The following SPTA1 variants were observed in gnomAD, a reference collection of about 807,000 sequenced individuals.
The protein encoded by SPTA1 is spectrin alpha, erythrocytic 1, also known as spectrin alpha chain, erythrocytic 1.
Under a neutral mutation model 324.7 loss-of-function variants are expected in SPTA1, and 177 were observed. The observed-to-expected ratio is 0.55, with a 90% CI of 0.48 to 0.62. The LOEUF is 0.62. SPTA1 is among the 20% of genes least tolerant of loss of function. The pLI, the probability that SPTA1 is intolerant of heterozygous loss-of-function variation, is 0.00. For missense variants in SPTA1, 3,162 were observed against 2,883.6 expected, an observed-to-expected ratio of 1.10 and a Z score of -2.21; for synonymous variants, 1,195 against 1,041.3, an observed-to-expected ratio of 1.15 and a Z score of -2.84.
At chr1:158,650,839 C>T (rs1652374868) in intron 24 of SPTA1, among the ~76,000 whole-genome samples, 1 of 152,080 alleles carries the variant, frequency 6.6e-6, no homozygotes, top group African/African-American at 2.4e-5. Flanking sequence ...TTTGGTGTAG[C>T]CTGGTACAGA....
chr1:158,659,501 C>A (rs1331969574), intron 18 of SPTA1, among the ~76,000 whole-genome samples: 3 of 151,378 alleles, frequency 2.0e-5, no homozygotes, highest in African/African-American at 7.3e-5. Context: ...TTAGACAGAA[C>A]AGTGACATCA....
intron 39 of SPTA1, among the ~76,000 whole-genome samples, chr1:158,628,927 T>A (rs1438821794): frequency 6.6e-6 from 1 of 151,980 alleles, no homozygotes; most frequent in Non-Finnish European, 1.5e-5. Context: ...GGAGACTGAA[T>A]CAGAAATAAA....
chr1:158,662,556 A>G, intron 17 of SPTA1, 146 bp downstream of exon 17: 1 of 1,058,924 alleles, frequency 9.4e-7, no homozygotes, highest in Non-Finnish European at 1.3e-6. Flanking sequence ...AAATATTTTT[A>G]TGAAGGACTG....
intron 16 of SPTA1, 58 bp downstream of exon 16, chr1:158,666,258 G>C (rs1044336585): frequency 1.9e-6 from 3 of 1,565,402 alleles, no homozygotes; most frequent in Non-Finnish European, 8.8e-7. Flanking sequence ...TTAATAACGA[G>C]TGTGCTCAGA....
Position 158,638,935 on chromosome 1 carries a change from A to G in SPTA1, c.4980+647T>C, listed in dbSNP as rs142495983. On this transcript the variant is annotated intron_variant, in intron 35 of 51. Transcript: ENST00000643759. ...GGCAACATTCTTAGCTGCCCATTGA[A>G]CACATCTATCTCTTCTGTGTCTACT... Among the ~76,000 whole-genome samples, 331 of 152,204 alleles carry G rather than the reference A, an allele frequency of 2.2e-3. 3 individuals carry two copies. The highest frequency in any genetic ancestry group is 3.4e-3 in the Middle Eastern group (1 of 294).
chr1:158,661,164 G>A, intron 18 of SPTA1, 123 bp downstream of exon 18: 1 of 1,458,734 alleles, frequency 6.9e-7, no homozygotes, highest in South Asian at 1.1e-5. Flanking sequence ...TGCCAAAAGA[G>A]CATTAAGTGG....
rs755834027 is a variant in SPTA1, at chr1:158,680,556, G to A, written c.678+27C>T. 2.6e-5 allele frequency: 42 copies of A among 1,613,158 alleles called. No individual in the cohort carries two copies. The Middle Eastern group carries it at 4.9e-4, about 19-fold the overall frequency. Reference sequence around the variant, plus strand: ...TCTTAAGGATAAGAACCCTTTGCACGGAGTGAATATTTTGCTCCCACCTCA... The same window carrying A: ...TCTTAAGGATAAGAACCCTTTGCACAGAGTGAATATTTTGCTCCCACCTCA... On this transcript the variant is annotated intron_variant, in intron 5 of 51. Coordinates refer to ENST00000643759, the MANE Select transcript of SPTA1 (RefSeq NM_003126.4).
At chr1:158,668,122 T>C (rs1653747044) in intron 14 of SPTA1, 60 bp from the exon 15 acceptor site, 1 of 1,563,816 alleles carries the variant, frequency 6.4e-7, no homozygotes, top group South Asian at 1.1e-5. Context: ...GACAGAAATT[T>C]TGAGAATAAG....
intron 15 of SPTA1, 117 bp downstream of exon 15, chr1:158,667,741 C>A: frequency 9.2e-7 from 1 of 1,081,284 alleles, no homozygotes; most frequent in Non-Finnish European, 1.3e-6. Flanking sequence ...CACATGGAAG[C>A]AAATGAGTAG....
At position 158,645,575 on chromosome 1, in the gene SPTA1, T is replaced by C. The variant is rs1332320998; in HGVS notation, c.3916A>G (p.Ser1306Gly). 2 of 1,614,060 alleles carry C rather than the reference T, an allele frequency of 1.2e-6. No homozygotes were observed. Among genetic ancestry groups the C allele is most frequent in the Non-Finnish European group, 1.7e-6 (2 of 1,179,914 alleles). Residue 1306 changes from serine to glycine, a missense_variant, in exon 28 of 52, where the codon AGT becomes GGT. Physicochemically the swap from Ser to Gly is moderately conservative, Grantham distance 56 (BLOSUM62 0). Transcript: ENST00000643759. ...SKARDLQNWI[S>G]SIGGMVSSQE... The stretch of plus-strand genomic sequence containing the variant: ...GATGATACCATGCCACCAATGCTAC[T>C]GATCCAGTTCTGCAGATCCCTAGAT...
rs373641002 is a variant in SPTA1 at position 158,614,309 on chromosome 1, G to T, written c.6789-3C>A. The T allele has an allele frequency of 5.3e-6, 8 of 1,518,440 alleles. No individual in the cohort carries two copies. Among genetic ancestry groups the T allele is most frequent in the Admixed American group, 2.0e-5 (1 of 50,648 alleles). 94.1% of individuals were successfully genotyped at this position (1,518,440 alleles called of 1,614,324 possible). On this transcript the variant is annotated splice_region_variant and splice_polypyrimidine_tract_variant and intron_variant, in intron 48 of 51. Transcript: ENST00000643759. ...CTTCACTCACACCTTTGATGTCCCT[G>T]AAAGAAAAAAAAAAAACATGAATTT... is the stretch of plus-strand genomic sequence containing the variant.
chr1:158,635,914 G>A lies in SPTA1; in HGVS notation c.5431C>T (p.Arg1811Ter), dbSNP rs770137350. Residue 1811 changes from arginine (R) to a stop codon, truncating the protein, a stop_gained and splice_region_variant, in exon 38 of 52, where the codon CGA (arginine) becomes TGA (stop). Coordinates refer to ENST00000643759, the MANE Select transcript of SPTA1 (RefSeq NM_003126.4). LOFTEE classifies it high-confidence loss of function. ...WEKLKELAKA[R>*]GLKLEESLEY... ...CTGGGCCTTCTGTATCCCACTCACC[G>A]GGCCTTGGCCAACTCTTTGAGCTTC... The A allele has an allele frequency of 5.6e-6, 9 of 1,614,002 alleles. No homozygotes were observed. The highest frequency in any genetic ancestry group is 4.0e-5 in the African/African-American group (3 of 74,924).
At position 158,669,471 on chromosome 1, in the gene SPTA1, G is replaced by A. The variant is rs1458204510; in HGVS notation, c.1770C>T (p.Asp590=). ...TGATCCAGTTCTTTAGGTCATCTGA[G>A]TCCTCATACAGTTTTTGCAGAAGCA... ...ESLLLQKLYE[D]SDDLKNWINK... Residue 590 remains aspartate (D), a synonymous_variant, in exon 14 of 52, where the codon GAC becomes GAT. Coordinates refer to ENST00000643759, the MANE Select transcript of SPTA1 (RefSeq NM_003126.4). 1 of 1,614,156 alleles carries A rather than the reference G, an allele frequency of 6.2e-7. No individual in the cohort carries two copies. Among genetic ancestry groups the A allele is most frequent in the East Asian group, 2.2e-5 (1 of 44,884 alleles).
At chr1:158,679,643 G>A (rs1306136690) in intron 5 of SPTA1, among the ~76,000 whole-genome samples, 1 of 152,012 alleles carries the variant, frequency 6.6e-6, no homozygotes, top group African/African-American at 2.4e-5. Flanking sequence ...CACCCCAGCT[G>A]AGCCACCTGA....
rs767549869 is a variant in SPTA1 at position 158,614,265 on chromosome 1, C to T, written c.6830G>A (p.Ser2277Asn). The T allele has an allele frequency of 8.2e-6, 13 of 1,592,264 alleles. No individual in the cohort carries two copies. In the Admixed American group the frequency reaches 1.2e-4, roughly 14 times the overall value. ...GVSEETLKEF[S>N]TIYKHFDENL... ...AAATTATACTCACTTATAGATTGTG[C>T]TAAATTCCTTTAGAGTCTCTTCACT... The change falls in exon 49 of 52, where the codon AGC becomes AAC. Residue 2277 changes from serine (S) to asparagine (N), a missense_variant. Physicochemically the swap from Ser to Asn is conservative, Grantham distance 46. Transcript: ENST00000643759.
rs2101877737 is a variant in SPTA1, at chr1:158,657,540, C to G, written c.2742G>C (p.Trp914Cys). ...YLADLHEAET[W>C]IREKEPIVDN... ...CTACAATAGGTTCCTTCTCTCTGAT[C>G]CATGTTTCTGCTTCATGCAGGTCAG... The change falls in exon 19 of 52, where the codon TGG becomes TGC. Residue 914 changes from tryptophan (W) to cysteine (C), a missense_variant. Physicochemically the swap from Trp to Cys is radical, Grantham distance 215. Coordinates refer to ENST00000643759, the MANE Select transcript of SPTA1 (RefSeq NM_003126.4). The G allele has an allele frequency of 6.5e-7, 1 of 1,542,574 alleles. No homozygotes were observed. Among genetic ancestry groups the G allele is most frequent in the Non-Finnish European group, 8.8e-7 (1 of 1,133,418 alleles).
At chr1:158,642,651 A>G in intron 32 of SPTA1, 109 bp from the exon 33 acceptor site, 1 of 1,573,562 alleles carries the variant, frequency 6.4e-7, no homozygotes, top group South Asian at 1.1e-5. Flanking sequence ...AACTGAGGTG[A>G]CGGTGACTTC....
In SPTA1 at chr1:158,619,243, A is replaced by G. The variant is rs1649758122; in HGVS notation, c.6509T>C (p.Leu2170Pro). ...QEFEQNASTF[L>P]QWILETRAYF... The stretch of plus-strand genomic sequence containing the variant: ...ACACCTGGTTTCCAGGATCCATTGA[A>G]GGAAGGTACTGGCATTCTGTTCAAA... The change falls in exon 45 of 52, where the codon CTT becomes CCT. Residue 2170 changes from leucine (L) to proline (P), a missense_variant. Physicochemically the swap from Leu to Pro is moderately conservative, Grantham distance 98. Transcript: ENST00000643759. The G allele has an allele frequency of 2.5e-6, 4 of 1,614,108 alleles. No homozygotes were observed. In the Middle Eastern group the frequency reaches 4.9e-4, roughly 200 times the overall value.
At position 158,672,167 on chromosome 1, in the gene SPTA1, G is replaced by A; in HGVS notation, c.1380C>T (p.Ala460=). ...KMEILDNNWT[A]LLELWDERHR... Reference sequence around the variant, plus strand: ...GACGCTCGTCCCACAGTTCCAGCAGGGCAGTCCAGTTGTTGTCAAGTATTT... The same window carrying A: ...GACGCTCGTCCCACAGTTCCAGCAGAGCAGTCCAGTTGTTGTCAAGTATTT... The change falls in exon 11 of 52, where the codon GCC becomes GCT. Residue 460 remains alanine (A), a synonymous_variant. Transcript: ENST00000643759. 1 of 1,613,970 alleles carries A rather than the reference G, an allele frequency of 6.2e-7. No homozygotes were observed. Among genetic ancestry groups the A allele is most frequent in the Non-Finnish European group, 8.5e-7 (1 of 1,179,950 alleles).
Sources: allele counts gnomAD v4.1 joint callset (sites outside exome capture counted in the v4.1 genomes callset), GRCh38; gene constraint gnomAD v4.1.1; transcripts MANE v1.5; gene names NCBI Gene and HGNC (gene_info 2026-07-23, HGNC 2026-07-21).